DNAH6: variants seen among roughly 807,000 people sequenced by gnomAD.
The protein encoded by DNAH6 is dynein axonemal heavy chain 6.
Under a neutral mutation model 491.4 loss-of-function variants are expected in DNAH6, and 340 were observed. The observed-to-expected ratio is 0.69, with a 90% confidence interval of 0.63 to 0.76. DNAH6 has a LOEUF of 0.76. DNAH6 is among the 30% of genes least tolerant of loss of function. DNAH6 has a pLI of 0.00. For synonymous variants in DNAH6, 1,603 were observed against 1,686.1 expected (o/e 0.95, Z 1.21); for missense variants, 4,443 against 4,972.2 (o/e 0.89, Z 3.20).
chr2:84,508,381 G>A, the DNAH6 span, among the ~76,000 whole-genome samples: 1 of 152,208 alleles, frequency 6.6e-6, no homozygotes, highest in East Asian at 1.9e-4. Context: ...TTCTCTGATG[G>A]CAGTTTGTAT....
intron 64 of DNAH6, among the ~76,000 whole-genome samples, chr2:84,774,932 A>C (rs1303145414): frequency 2.0e-5 from 3 of 152,100 alleles, no homozygotes; most frequent in Admixed American, 6.6e-5. Flanking sequence ...TTCTAGTTAT[A>C]AAATCAAATG....
chr2:84,700,362 A>G (rs1161308141), intron 48 of DNAH6, among the ~76,000 whole-genome samples: 1 of 152,180 alleles, frequency 6.6e-6, no homozygotes. Context: ...GCAGGTAGGT[A>G]GGAAGATGTG....
chr2:84,491,547 G>A, the DNAH6 span, among the ~76,000 whole-genome samples: 1 of 152,120 alleles, frequency 6.6e-6, no homozygotes, highest in Non-Finnish European at 1.5e-5. Flanking sequence ...GGGGCTTCTG[G>A]GAGAGCTTTT....
the DNAH6 span, among the ~76,000 whole-genome samples, chr2:84,464,765 G>A: frequency 1.3e-5 from 2 of 152,102 alleles, no homozygotes; most frequent in Non-Finnish European, 2.9e-5. Context: ...TGGTTTTGGT[G>A]GGTTTTGGCT....
At chr2:84,482,723 C>G in the DNAH6 span, among the ~76,000 whole-genome samples, 1 of 152,204 alleles carries the variant, frequency 6.6e-6, no homozygotes, top group Non-Finnish European at 1.5e-5. Context: ...AGATGTGGCT[C>G]TAAATGACAC....
chr2:84,481,893 G>A, the DNAH6 span, among the ~76,000 whole-genome samples: 13 of 152,242 alleles, frequency 8.5e-5, no homozygotes, highest in Admixed American at 1.3e-4. Context: ...CAGCTATCAC[G>A]TTGCACATCC....
At chr2:84,532,987 C>T (rs889256697) in intron 4 of DNAH6, among the ~76,000 whole-genome samples, 1 of 152,124 alleles carries the variant, frequency 6.6e-6, no homozygotes, top group African/African-American at 2.4e-5. Flanking sequence ...GCTGTATATA[C>T]AGTACACGTA....
chr2:84,781,638 A>T lies in DNAH6; in HGVS notation c.10849A>T (p.Thr3617Ser). 6.4e-7 allele frequency: 1 copy of T among 1,551,596 alleles called. No individual in the cohort carries two copies. The highest frequency in any genetic ancestry group is 8.7e-7 in the Non-Finnish European group (1 of 1,146,762). ...WMLAMEELIK[T>S]FTDPDSAIKD... ...GTTGGCAATGGAAGAGCTCATTAAAACCTTCACAGATCCAGGTATGTTGAG... is the reference window on the plus strand; with the variant it reads ...GTTGGCAATGGAAGAGCTCATTAAATCCTTCACAGATCCAGGTATGTTGAG... The change falls in exon 65 of 77, where the codon ACC becomes TCC. Residue 3617 changes from threonine to serine, a missense_variant. Transcript: ENST00000389394.
chr2:84,807,025 A>C (rs1679486091), intron 71 of DNAH6, among the ~76,000 whole-genome samples: 2 of 152,190 alleles, frequency 1.3e-5, no homozygotes, highest in South Asian at 4.1e-4. Context: ...GTAGAATCCC[A>C]CTGACACCTA....
At chr2:84,581,340 CAA>C (rs1201334024) in intron 14 of DNAH6, among the ~76,000 whole-genome samples, 1 of 152,156 alleles carries the variant, frequency 6.6e-6, no homozygotes, top group Non-Finnish European at 1.5e-5. Context: ...TCTGCACACA[CAA>C]AAACTTTTTT....
intron 4 of DNAH6, among the ~76,000 whole-genome samples, chr2:84,533,218 GA>G (rs1377338892): frequency 5.3e-5 from 8 of 152,120 alleles, no homozygotes; most frequent in Admixed American, 1.3e-4. Context: ...AGCATTGACA[GA>G]GAGTGAAAAT....
the DNAH6 span, among the ~76,000 whole-genome samples, chr2:84,499,176 C>G: frequency 1.3e-5 from 2 of 151,996 alleles, no homozygotes; most frequent in Non-Finnish European, 2.9e-5. Flanking sequence ...ACCATCCCCA[C>G]CTCCCCACAA....
At chr2:84,506,151 T>C in the DNAH6 span, among the ~76,000 whole-genome samples, 1 of 152,224 alleles carries the variant, frequency 6.6e-6, no homozygotes, top group Admixed American at 6.5e-5. Context: ...TCCACAATGG[T>C]TGAACTAGTT....
In DNAH6 at chr2:84,812,312, G is replaced by T. The variant is rs538324095; in HGVS notation, c.11740-29G>T. 229 of 1,543,804 alleles carry T rather than the reference G, an allele frequency of 1.5e-4. 3 individuals are homozygous for T. The South Asian group carries it at 2.7e-3, about 18-fold the overall frequency. ...GACACTGGATAATGACATCTGCAAAGGCCACCAACCCCTTTTTTGTTCTTT... is the reference window on the plus strand; with the variant it reads ...GACACTGGATAATGACATCTGCAAATGCCACCAACCCCTTTTTTGTTCTTT... On this transcript the variant is annotated intron_variant, in intron 72 of 76. Transcript: ENST00000389394.
chr2:84,518,118 A>C, intron 2 of DNAH6, 67 bp downstream of exon 2: 2 of 1,221,450 alleles, frequency 1.6e-6, no homozygotes, highest in Non-Finnish European at 2.3e-6. Flanking sequence ...GCTTTGGAGG[A>C]TAGAAGTCAT....
intron 63 of DNAH6, among the ~76,000 whole-genome samples, chr2:84,761,018 A>G (rs1674526275): frequency 6.6e-6 from 1 of 152,236 alleles, no homozygotes. Context: ...AATTGCACTC[A>G]TATGTTTATC....
At chr2:84,679,775 C>T (rs1450258105) in intron 41 of DNAH6, among the ~76,000 whole-genome samples, 2 of 152,180 alleles carry the variant, frequency 1.3e-5, no homozygotes, top group Non-Finnish European at 1.5e-5. Flanking sequence ...TTGTTGAGCA[C>T]CTTCCATACG....
intron 56 of DNAH6, 124 bp from the exon 57 acceptor site, chr2:84,712,971 C>T: frequency 1.3e-6 from 1 of 782,680 alleles, no homozygotes; most frequent in Non-Finnish European, 2.0e-6. Context: ...AATAAATATC[C>T]ATCAGATCAC....
At chr2:84,521,526 C>G (rs1323371988) in intron 2 of DNAH6, among the ~76,000 whole-genome samples, 1 of 151,950 alleles carries the variant, frequency 6.6e-6, no homozygotes, top group Admixed American at 6.6e-5. Context: ...CTTTTGGTAT[C>G]TTTGTCATGA....
Sources: gnomAD v4.1 joint callset for allele counts (sites outside exome capture counted in the v4.1 genomes callset) on GRCh38, gnomAD v4.1.1 for gene constraint, MANE v1.5 for transcripts, NCBI Gene and HGNC (gene_info 2026-07-23, HGNC 2026-07-21) for gene names.